ABCB11: variants seen among roughly 807,000 people sequenced by gnomAD.
The protein encoded by ABCB11 is bile salt export pump.
A neutral mutation model predicts 148.0 loss-of-function variants in ABCB11; 95 were observed. That is an observed-to-expected ratio of 0.64 (90% CI 0.54 to 0.76). The LOEUF (loss-of-function observed/expected upper bound fraction) is 0.76. Among genes scored for constraint, ABCB11 ranks in the 30% least tolerant of loss-of-function variants. The pLI, the probability that ABCB11 is intolerant of heterozygous loss-of-function variation, is 0.00. For synonymous variants in ABCB11, 591 were observed against 555.4 expected, an observed-to-expected ratio of 1.06 and a Z score of -0.90; for missense variants, 1,523 against 1,617.8, an observed-to-expected ratio of 0.94 and a Z score of 1.01.
At chr2:169,020,298 A>G (rs1167046272) in intron 1 of ABCB11, among the ~76,000 whole-genome samples, 3 of 152,122 alleles carry the variant, frequency 2.0e-5, no homozygotes, top group Non-Finnish European at 4.4e-5. Flanking sequence ...CCATTTTTTA[A>G]TTACAAAGTT....
intron 10 of ABCB11, among the ~76,000 whole-genome samples, chr2:168,984,951 G>A (rs1045397321): frequency 2.0e-5 from 3 of 152,086 alleles, no homozygotes; most frequent in Admixed American, 2.0e-4. Flanking sequence ...TTAAACTAAA[G>A]AGGTTTTTCA....
chr2:168,968,512 A>G, intron 16 of ABCB11, 22 bp from the exon 17 acceptor site: 1 of 1,598,450 alleles, frequency 6.3e-7, no homozygotes, highest in Non-Finnish European at 8.6e-7. Context: ...AGCATGAGCA[A>G]TTTTTTAGTA....
At chr2:168,999,584 T>G (rs899826441) in intron 5 of ABCB11, among the ~76,000 whole-genome samples, 8 of 152,136 alleles carry the variant, frequency 5.3e-5, no homozygotes, top group Non-Finnish European at 8.8e-5. Flanking sequence ...GATCTCACAG[T>G]GTAGAACCTT....
chr2:168,985,081 C>A (rs1694267125), intron 10 of ABCB11, among the ~76,000 whole-genome samples: 1 of 151,890 alleles, frequency 6.6e-6, no homozygotes, highest in Non-Finnish European at 1.5e-5. Context: ...AGAAAGTGAG[C>A]TAAGGACATG....
downstream of ABCB11, among the ~76,000 whole-genome samples, chr2:168,917,192 A>C (rs1444890320): frequency 1.1e-5 from 1 of 90,668 alleles, no homozygotes; most frequent in African/African-American, 5.2e-5. Flanking sequence ...TATAAAAAAG[A>C]GTTTTTGGAC....
intron 19 of ABCB11, among the ~76,000 whole-genome samples, chr2:168,954,319 T>C (rs111805084): frequency 1.3e-4 from 20 of 151,726 alleles, no homozygotes; most frequent in African/African-American, 4.8e-4. Context: ...GAACTGTGAG[T>C]TTTATATTTC....
At chr2:169,016,968 C>CTCTA (rs1010799003) in intron 2 of ABCB11, among the ~76,000 whole-genome samples, 169 bp from the exon 3 acceptor site, 12 of 141,214 alleles carry the variant, frequency 8.5e-5, no homozygotes, top group Admixed American at 3.0e-4. Flanking sequence ...TATTGTCTCT[C>CTCTA]TCTATCTTTC....
At chr2:168,933,123 A>T (rs1473407237) in intron 23 of ABCB11, among the ~76,000 whole-genome samples, 2 of 151,402 alleles carry the variant, frequency 1.3e-5, no homozygotes, top group Non-Finnish European at 2.9e-5. Flanking sequence ...AAAAAAAAAA[A>T]GAAAAGAAAA....
At position 168,934,156 on chromosome 2, in the gene ABCB11, A is replaced by C. The variant is rs866329482; in HGVS notation, c.3056+1028T>G. Among the ~76,000 whole-genome samples the C allele has an allele frequency of 3.9e-5, 6 of 152,340 alleles. No homozygotes were observed. In the Middle Eastern group the frequency reaches 0.014, roughly 345 times the overall value. ...TAAAACCTTAATATAAACTAAATAAAAATAAGCCAATGGTTTGTGTTTTCT... is the reference window on the plus strand; with the variant it reads ...TAAAACCTTAATATAAACTAAATAACAATAAGCCAATGGTTTGTGTTTTCT... On this transcript the variant is annotated intron_variant, in intron 23 of 27. Transcript: ENST00000650372.
Position 168,986,105 on chromosome 2 carries a change from G to T in ABCB11, c.1083+5C>A, listed in dbSNP as rs776255881. 1.4e-5 allele frequency: 22 copies of T among 1,589,138 alleles called. No individual in the cohort carries two copies. Among genetic ancestry groups the T allele is most frequent in the Non-Finnish European group, 1.9e-5 (22 of 1,166,996 alleles). Reference sequence around the variant, plus strand: ...GCTATGTCTCGGTCAATAAGTCCAAGGTACCTGGACAAGGGTTCCTGGTGT... The same window carrying T: ...GCTATGTCTCGGTCAATAAGTCCAATGTACCTGGACAAGGGTTCCTGGTGT... On this transcript the variant is annotated splice_donor_5th_base_variant and intron_variant, in intron 10 of 27. Coordinates refer to ENST00000650372, the MANE Select transcript of ABCB11 (RefSeq NM_003742.4).
downstream of ABCB11, among the ~76,000 whole-genome samples, chr2:168,920,503 T>C (rs1691041700): frequency 6.6e-6 from 1 of 152,056 alleles, no homozygotes; most frequent in South Asian, 2.1e-4. Context: ...CTTTTTGTTT[T>C]ACTTTCAGAG....
intron 7 of ABCB11, among the ~76,000 whole-genome samples, chr2:168,995,094 G>A (rs1694670444): frequency 1.3e-5 from 2 of 151,878 alleles, no homozygotes; most frequent in Non-Finnish European, 2.9e-5. Context: ...CTTTTTAACT[G>A]TCTTCTATAA....
intron 19 of ABCB11, among the ~76,000 whole-genome samples, chr2:168,947,527 T>C (rs531193484): frequency 5.9e-4 from 90 of 151,846 alleles, no homozygotes; most frequent in Non-Finnish European, 1.0e-3. Context: ...GCTGGGTCCA[T>C]TCCCACAGTG....
In ABCB11 at chr2:168,923,895, T is replaced by C. The variant is rs749414861; in HGVS notation, c.3766-73A>G. On this transcript the variant is annotated intron_variant, in intron 27 of 27. Coordinates refer to ENST00000650372, the MANE Select transcript of ABCB11 (RefSeq NM_003742.4). ...CCAGCCCACCATCATGAGAGTTCAG[T>C]TAACACGACCTGAATAACAATCCTA... 6 of 1,424,682 alleles carry C rather than the reference T, an allele frequency of 4.2e-6. No individual in the cohort carries two copies. In the Admixed American group the frequency reaches 5.3e-5, roughly 13 times the overall value. The allele number at this position is 1,424,682 out of a possible 1,614,324, so 88.3% of individuals were successfully genotyped here. A position where few individuals can be genotyped will look rare whatever the true frequency, so the allele number is the denominator to read the frequency against.
chr2:169,010,656 A>C (rs1408176931), intron 5 of ABCB11, among the ~76,000 whole-genome samples: 1 of 152,218 alleles, frequency 6.6e-6, no homozygotes, highest in Non-Finnish European at 1.5e-5. Context: ...GGAGGTATAT[A>C]AACTACTTAC....
chr2:168,931,902 G>C (rs1691582758), intron 24 of ABCB11, among the ~76,000 whole-genome samples: 1 of 152,152 alleles, frequency 6.6e-6, no homozygotes, highest in South Asian at 2.1e-4. Context: ...CCCATATACA[G>C]CAGGAATTTA....
intron 8 of ABCB11, among the ~76,000 whole-genome samples, chr2:168,993,217 G>A (rs770461451): frequency 6.6e-6 from 1 of 152,010 alleles, no homozygotes; most frequent in Non-Finnish European, 1.5e-5. Context: ...CTCTTTGTCT[G>A]TTGTGCCTTT....
At chr2:168,991,305 T>C (rs1234700559) in intron 8 of ABCB11, among the ~76,000 whole-genome samples, 2 of 152,086 alleles carry the variant, frequency 1.3e-5, no homozygotes, top group Non-Finnish European at 2.9e-5. Flanking sequence ...CAGAGACACA[T>C]GCAGATATCA....
At chr2:168,940,634 C>T (rs1425120140) in intron 21 of ABCB11, among the ~76,000 whole-genome samples, 1 of 152,200 alleles carries the variant, frequency 6.6e-6, no homozygotes, top group East Asian at 1.9e-4. Context: ...TAGCTAAGGT[C>T]ATTGATAAAG....
Sources: gnomAD v4.1 joint callset for allele counts (sites outside exome capture counted in the v4.1 genomes callset) on GRCh38, gnomAD v4.1.1 for gene constraint, MANE v1.5 for transcripts, NCBI Gene and HGNC (gene_info 2026-07-23, HGNC 2026-07-21) for gene names.